PCDHGA7: variants seen among roughly 807,000 people sequenced by gnomAD.
PCDHGA7 encodes protocadherin gamma subfamily A, 7.
A neutral mutation model predicts 58.3 loss-of-function variants in PCDHGA7; 44 were observed. The observed-to-expected ratio is 0.75, with a 90% CI of 0.59 to 0.97. The LOEUF is 0.97. PCDHGA7 is among the 50% of genes least tolerant of loss of function. The pLI is 0.00. For missense variants in PCDHGA7, 1,266 were observed against 1,188.7 expected, an observed-to-expected ratio of 1.06 and a Z score of -0.96; for synonymous variants, 516 against 504.2, an observed-to-expected ratio of 1.02 and a Z score of -0.31.
rs1160156030 is a variant in PCDHGA7 at position 141,477,238 on chromosome 5, C to T, written c.2425-17569C>T. 20 of 1,614,094 alleles carry T rather than the reference C, an allele frequency of 1.2e-5. No individual in the cohort carries two copies. The highest frequency in any genetic ancestry group is 5.0e-5 in the Admixed American group (3 of 60,006). The stretch of plus-strand genomic sequence containing the variant: ...CTCTGGGGACTGTCATCGCTTTGCT[C>T]AGTGTGACTGACCTGGATGCTGGCG... On this transcript the variant is annotated intron_variant, in intron 1 of 3. Transcript: ENST00000518325. This position sits in a 1 kb window ranked among gnomAD's most constrained non-coding sequence, Gnocchi z 4.9.
intron 1 of PCDHGA7, 35 bp downstream of exon 1, chr5:141,385,358 T>C (rs1470867728): frequency 6.5e-7 from 1 of 1,546,418 alleles, no homozygotes; most frequent in Non-Finnish European, 8.7e-7. Flanking sequence ...CCATGAGGAA[T>C]TTATTTGCAT....
chr5:141,456,139 C>T (rs999574407), intron 1 of PCDHGA7, among the ~76,000 whole-genome samples: 20 of 152,010 alleles, frequency 1.3e-4, no homozygotes, highest in Admixed American at 9.8e-4. Context: ...CCTCCTGATC[C>T]GCCCGCCTCG....
intron 1 of PCDHGA7, chr5:141,392,656 G>T: frequency 1.3e-6 from 1 of 748,568 alleles, no homozygotes; most frequent in South Asian, 2.2e-5. Context: ...ACCCGCAGAT[G>T]CCACAAACTA....
chr5:141,421,869 A>G lies in PCDHGA7; in HGVS notation c.2424+36546A>G, dbSNP rs200015978. 1.5e-5 allele frequency: 24 copies of G among 1,613,732 alleles called. No individual in the cohort carries two copies. The African/African-American group carries it at 3.1e-4, about 21-fold the overall frequency. ...AGGCTGCTCACCTGCTCCTCCTCAC[A>G]GCTTTAGATGGAGGCGATCCCATCC... On this transcript the variant is annotated intron_variant, in intron 1 of 3. Transcript: ENST00000518325.
At chr5:141,404,451 C>G in intron 1 of PCDHGA7, 4 of 1,613,166 alleles carry the variant, frequency 2.5e-6, no homozygotes, top group Non-Finnish European at 3.4e-6. Flanking sequence ...CAAGGGTCTC[C>G]TCTCTCCACC....
At chr5:141,421,119 C>A (rs542039688) in intron 1 of PCDHGA7, 2 of 772,768 alleles carry the variant, frequency 2.6e-6, no homozygotes, top group South Asian at 1.9e-5. Flanking sequence ...TATTTTCCTT[C>A]GCTTTCTGAT....
intron 1 of PCDHGA7, among the ~76,000 whole-genome samples, chr5:141,481,193 A>G (rs749746998): frequency 1.3e-5 from 2 of 152,216 alleles, no homozygotes; most frequent in Admixed American, 6.5e-5. Context: ...GCCAGGCCCA[A>G]TTTTTTTAAA....
chr5:141,413,090 C>T, intron 1 of PCDHGA7: 1 of 1,391,312 alleles, frequency 7.2e-7, no homozygotes, highest in South Asian at 1.4e-5. Flanking sequence ...ACAGAGACAC[C>T]CTGAAGCCAC....
chr5:141,384,471 G>T lies in PCDHGA7; in HGVS notation c.1572G>T (p.Gln524His), dbSNP rs200621761. Residue 524 changes from glutamine to histidine, a missense_variant, in exon 1 of 4, where the codon CAG becomes CAT. By Grantham distance (24) the Gln-to-His change is conservative. Coordinates refer to ENST00000518325, the MANE Select transcript of PCDHGA7 (RefSeq NM_018920.4). ...LYALQSFDYEQLRELQLRVTA... is the reference protein window; with the variant it reads ...LYALQSFDYEHLRELQLRVTA... ...CGCTGCAATCCTTTGATTATGAGCA[G>T]TTGAGAGAACTACAACTAAGAGTGA... The T allele has an allele frequency of 1.4e-4, 226 of 1,614,000 alleles. No homozygotes were observed. The highest frequency in any genetic ancestry group is 4.2e-4 in the Admixed American group (25 of 60,010).
chr5:141,423,883 A>G, intron 1 of PCDHGA7: 2 of 1,283,462 alleles, frequency 1.6e-6, no homozygotes, highest in Non-Finnish European at 2.0e-6. Context: ...CAATCTTGGC[A>G]TATTTTCTTT....
intron 1 of PCDHGA7, chr5:141,390,043 C>A (rs1022492557): frequency 1.9e-6 from 3 of 1,613,946 alleles, no homozygotes; most frequent in Non-Finnish European, 2.5e-6. Context: ...TCCAGCCCCG[C>A]CTCCTGGAGC....
At chr5:141,400,524 G>A (rs958686867) in intron 1 of PCDHGA7, 1 of 1,613,802 alleles carries the variant, frequency 6.2e-7, no homozygotes, top group Non-Finnish European at 8.5e-7. Context: ...ATCCTGAGTT[G>A]GTGAGTTTCA....
Position 141,383,738 on chromosome 5 carries a change from C to A in PCDHGA7, c.839C>A (p.Ser280Tyr), listed in dbSNP as rs1779431322. The change falls in exon 1 of 4, where the codon TCT becomes TAT. Residue 280 changes from serine (S) to tyrosine (Y), a missense_variant. Physicochemically the swap from Ser to Tyr is moderately radical, Grantham distance 144 (BLOSUM62 -2). Transcript: ENST00000518325. Reference sequence around the variant, plus strand: ...GGAGTCAATGGGGAAGTGACATATTCTTTTCGGAAAATAACTCCTAAACTT... The same window carrying A: ...GGAGTCAATGGGGAAGTGACATATTATTTTCGGAAAATAACTCCTAAACTT... ...DEGVNGEVTY[S>Y]FRKITPKLPK... The A allele has an allele frequency of 1.9e-6, 3 of 1,614,006 alleles. No individual in the cohort carries two copies. The highest frequency in any genetic ancestry group is 3.3e-5 in the Admixed American group (2 of 60,024).
chr5:141,429,232 G>T (rs938585192), intron 1 of PCDHGA7: 2 of 151,668 alleles, frequency 1.3e-5, no homozygotes, highest in Non-Finnish European at 2.9e-5. Flanking sequence ...TTATGATACT[G>T]CTGTCATTGA....
At chr5:141,444,783 C>A (rs551686741) in intron 1 of PCDHGA7, among the ~76,000 whole-genome samples, 2 of 152,100 alleles carry the variant, frequency 1.3e-5, no homozygotes, top group Non-Finnish European at 2.9e-5. Context: ...GATCATGTTT[C>A]ATTTGTCTAT....
intron 1 of PCDHGA7, chr5:141,408,572 G>A (rs745760240): frequency 4.3e-6 from 7 of 1,614,048 alleles, no homozygotes; most frequent in East Asian, 2.2e-5. Flanking sequence ...TGTGGTGATT[G>A]AGGATGTTAA....
chr5:141,401,841 CACTT>C (rs1043132396), intron 1 of PCDHGA7, among the ~76,000 whole-genome samples: 6 of 152,114 alleles, frequency 3.9e-5, no homozygotes, highest in Non-Finnish European at 8.8e-5. Flanking sequence ...CTTATAATAC[CACTT>C]ACTTTTAACC....
At position 141,383,578 on chromosome 5, in the gene PCDHGA7, C is replaced by A; in HGVS notation, c.679C>A (p.His227Asn). ...GGDPPRSSTA[H>N]IQVTVVDVND... Reference sequence around the variant, plus strand: ...CGACCCGCCCCGATCCAGCACCGCCCACATCCAGGTGACAGTGGTGGATGT... The same window carrying A: ...CGACCCGCCCCGATCCAGCACCGCCAACATCCAGGTGACAGTGGTGGATGT... Residue 227 changes from histidine to asparagine, a missense_variant, in exon 1 of 4, where the codon CAC becomes AAC. By Grantham distance (68) the His-to-Asn change is moderately conservative (BLOSUM62 1). Transcript: ENST00000518325. 6.2e-7 allele frequency: 1 copy of A among 1,613,494 alleles called. No homozygotes were observed. The highest frequency in any genetic ancestry group is 8.5e-7 in the Non-Finnish European group (1 of 1,179,818).
intron 2 of PCDHGA7, among the ~76,000 whole-genome samples, chr5:141,495,922 C>G (rs1263216717): frequency 6.6e-6 from 1 of 152,100 alleles, no homozygotes; most frequent in Non-Finnish European, 1.5e-5. Context: ...CTTTCTTTGT[C>G]TCTGTCTCTG....
Sources: allele counts gnomAD v4.1 joint callset (sites outside exome capture counted in the v4.1 genomes callset), GRCh38; gene constraint gnomAD v4.1.1; non-coding constraint Gnocchi (gnomAD v3.1); transcripts MANE v1.5; gene names NCBI Gene and HGNC (gene_info 2026-07-23, HGNC 2026-07-21).